The following JPH3 variants were observed in gnomAD, a reference collection of about 807,000 sequenced individuals.
The protein encoded by JPH3 is junctophilin 3.
JPH3 carries 11 observed loss-of-function variants against 59.6 expected under a neutral mutation model. The observed-to-expected ratio is 0.18, with a 90% CI of 0.12 to 0.31. The LOEUF (loss-of-function observed/expected upper bound fraction) is 0.31, where lower values mean the gene tolerates loss of function less well. Among genes scored for constraint, JPH3 ranks in the 10% least tolerant of loss-of-function variants. JPH3 has a pLI of 1.00. For synonymous variants in JPH3, 673 were observed against 483.6 expected (o/e 1.39, Z -5.14); for missense variants, 1,202 against 1,105.7 (o/e 1.09, Z -1.24).
intron 2 of JPH3, among the ~76,000 whole-genome samples, chr16:87,656,494 G>A (rs1001461458): frequency 4.6e-5 from 7 of 152,212 alleles, no homozygotes; most frequent in South Asian, 2.1e-4. Flanking sequence ...ATCAGATTAC[G>A]GAGTTCATAT....
At chr16:87,628,400 G>C (rs1021821460) in intron 1 of JPH3, among the ~76,000 whole-genome samples, 2 of 152,264 alleles carry the variant, frequency 1.3e-5, no homozygotes, top group African/African-American at 4.8e-5. Flanking sequence ...CCTGGCGTCT[G>C]CCCTCCTGAG....
In JPH3 at chr16:87,667,124, A is replaced by T. The variant is rs548197485; in HGVS notation, c.1161-17018A>T. On this transcript the variant is annotated intron_variant, in intron 2 of 4. Transcript: ENST00000284262. Reference sequence around the variant, plus strand: ...TTCTGGGGGCTGCCGGCCTCCCTGGAGTGGCCACGTCACTTGTTGCTGCTG... The same window carrying T: ...TTCTGGGGGCTGCCGGCCTCCCTGGTGTGGCCACGTCACTTGTTGCTGCTG... Among the ~76,000 whole-genome samples the T allele has an allele frequency of 9.9e-5, 15 of 152,272 alleles. No individual in the cohort carries two copies. The East Asian group carries it at 1.9e-3, about 20-fold the overall frequency.
intron 3 of JPH3, among the ~76,000 whole-genome samples, chr16:87,686,178 C>T (rs775239346): frequency 2.0e-5 from 3 of 152,350 alleles, no homozygotes; most frequent in South Asian, 4.1e-4. Flanking sequence ...CTACCCCCAC[C>T]CCCGCGTGGT....
rs554453163 is a variant in JPH3 at position 87,642,250 on chromosome 16, G to C, written c.383-2008G>C. ...GGAGGGGGCCTGGCTAGGGAAAGGG[G>C]GGGGGCAGTGGGGAGTGGAGGGCTG... is the stretch of plus-strand genomic sequence containing the variant. On this transcript the variant is annotated intron_variant, in intron 1 of 4. Transcript: ENST00000284262. Among the ~76,000 whole-genome samples the C allele has an allele frequency of 2.4e-3, 364 of 152,000 alleles. 2 individuals carry two copies. Among genetic ancestry groups the C allele is most frequent in the African/African-American group, 8.4e-3 (347 of 41,456 alleles).
In JPH3 at chr16:87,635,153, C is replaced by G. The variant is rs113219908; in HGVS notation, c.383-9105C>G. Among the ~76,000 whole-genome samples, 45 of 152,218 alleles carry G rather than the reference C, an allele frequency of 3.0e-4. 1 individual carries two copies. The East Asian group carries it at 7.0e-3, about 24-fold the overall frequency. Reference sequence around the variant, plus strand: ...CTGGGCAGGGCTGTGGCCATGAGCTCAGGTCTTTAGTGGGCTCCTTGCTCC... The same window carrying G: ...CTGGGCAGGGCTGTGGCCATGAGCTGAGGTCTTTAGTGGGCTCCTTGCTCC... On this transcript the variant is annotated intron_variant, in intron 1 of 4. Transcript: ENST00000284262.
At chr16:87,670,316 C>T (rs1413278076) in intron 2 of JPH3, among the ~76,000 whole-genome samples, 1 of 152,224 alleles carries the variant, frequency 6.6e-6, no homozygotes, top group Non-Finnish European at 1.5e-5. Flanking sequence ...TCACCAGGGT[C>T]CTGGGAGAAG....
intron 2 of JPH3, among the ~76,000 whole-genome samples, chr16:87,661,392 G>T (rs2150859428): frequency 6.6e-6 from 1 of 152,384 alleles, no homozygotes; most frequent in Non-Finnish European, 1.5e-5. Flanking sequence ...TTTGAGGGCT[G>T]TGTTTCTGCT....
intron 2 of JPH3, among the ~76,000 whole-genome samples, chr16:87,661,363 G>C (rs1413152731): frequency 6.6e-6 from 1 of 152,242 alleles, no homozygotes; most frequent in African/African-American, 2.4e-5. Context: ...CGGGTTCTGG[G>C]GATCAAAACA....
At chr16:87,656,565 T>G (rs1206663485) in intron 2 of JPH3, among the ~76,000 whole-genome samples, 9 of 152,134 alleles carry the variant, frequency 5.9e-5, no homozygotes, top group Admixed American at 5.9e-4. Flanking sequence ...TTGCAGTGTT[T>G]GGGGGCAACA....
At chr16:87,653,630 T>C (rs1394047646) in intron 2 of JPH3, 2 of 152,190 alleles carry the variant, frequency 1.3e-5, no homozygotes, top group Non-Finnish European at 2.9e-5. Flanking sequence ...GAGACAGATG[T>C]GTCAGGGGTT....
intron 2 of JPH3, among the ~76,000 whole-genome samples, chr16:87,647,821 T>A (rs577487709): frequency 2.6e-5 from 4 of 152,264 alleles, no homozygotes; most frequent in African/African-American, 9.6e-5. Context: ...TCACTGGAAC[T>A]TAAAGTGTCC....
intron 1 of JPH3, among the ~76,000 whole-genome samples, chr16:87,622,206 G>T (rs933377211): frequency 2.6e-5 from 4 of 152,194 alleles, no homozygotes; most frequent in African/African-American, 9.7e-5. Flanking sequence ...TGCCTTCCGA[G>T]GCCTCAGCTG....
At chr16:87,657,438 T>G (rs1411743204) in intron 2 of JPH3, among the ~76,000 whole-genome samples, 1 of 152,216 alleles carries the variant, frequency 6.6e-6, no homozygotes, top group African/African-American at 2.4e-5. Flanking sequence ...GTAGGGTTTC[T>G]GTTGAGGGCG....
chr16:87,663,654 C>T (rs190929637), intron 2 of JPH3, among the ~76,000 whole-genome samples: 3 of 152,182 alleles, frequency 2.0e-5, no homozygotes, highest in African/African-American at 4.8e-5. Context: ...CACACAGCCC[C>T]AGCCGCCCCA....
At chr16:87,660,329 G>GT (rs1385852196) in intron 2 of JPH3, among the ~76,000 whole-genome samples, 1 of 152,158 alleles carries the variant, frequency 6.6e-6, no homozygotes, top group Non-Finnish European at 1.5e-5. Context: ...GGGCTGCAGG[G>GT]AGGGCACAGA....
At chr16:87,682,587 C>T (rs2033321927) in intron 2 of JPH3, among the ~76,000 whole-genome samples, 1 of 152,188 alleles carries the variant, frequency 6.6e-6, no homozygotes, top group Non-Finnish European at 1.5e-5. Context: ...GGGTCCTCTG[C>T]AGACACCAAA....
chr16:87,634,998 C>T (rs549479785), intron 1 of JPH3, among the ~76,000 whole-genome samples: 13 of 152,188 alleles, frequency 8.5e-5, no homozygotes, highest in African/African-American at 2.2e-4. Context: ...AGGTGACCTC[C>T]GCCTGCATGG....
intron 2 of JPH3, among the ~76,000 whole-genome samples, chr16:87,675,532 G>A (rs2033122518): frequency 6.6e-6 from 1 of 152,202 alleles, no homozygotes; most frequent in Non-Finnish European, 1.5e-5. Context: ...TGCAGCCGGA[G>A]GCTGCCGGCA....
chr16:87,615,047 T>C (rs1355551066), intron 1 of JPH3, among the ~76,000 whole-genome samples: 1 of 151,810 alleles, frequency 6.6e-6, no homozygotes, highest in East Asian at 1.9e-4. Context: ...CCTCCCGGGA[T>C]AAACGCTGGT....
Sources: allele counts gnomAD v4.1 joint callset (sites outside exome capture counted in the v4.1 genomes callset), GRCh38; gene constraint gnomAD v4.1.1; transcripts MANE v1.5; gene names NCBI Gene and HGNC (gene_info 2026-07-23, HGNC 2026-07-21).